The following SNN variants were observed in gnomAD, a reference collection of about 807,000 sequenced individuals.
SNN encodes the protein AG8_1.
A neutral mutation model predicts 5.3 loss-of-function variants in SNN; 5 were observed. The observed-to-expected ratio is 0.94, with a 90% CI of 0.49 to 1.97. The LOEUF is 1.97. Among genes scored for constraint, SNN ranks in the 30% most tolerant of loss-of-function variants. SNN has a pLI of 0.01. For synonymous variants in SNN, 67 were observed against 52.1 expected (o/e 1.29, Z -1.24); for missense variants, 127 against 121.6 (o/e 1.04, Z -0.21).
rs8191291 is a variant in SNN at position 11,672,256 on chromosome 16, G to C, written c.-86+3716G>C. ...CTTGGACTGCCTTGGAGTCCAGTGC[G>C]GGGAGTGAGACAGCAGCCAGGGGAC... On this transcript the variant is annotated intron_variant, in intron 1 of 1. Coordinates refer to ENST00000329565, the MANE Select transcript of SNN (RefSeq NM_003498.6). The surrounding 1 kb of genome is among the most constrained non-coding windows in gnomAD (Gnocchi z 6.0). Among the ~76,000 whole-genome samples, 3 of 152,184 alleles carry C rather than the reference G, an allele frequency of 2.0e-5. No individual in the cohort carries two copies. Among genetic ancestry groups the C allele is most frequent in the Admixed American group, 6.5e-5 (1 of 15,286 alleles).
At chr16:11,675,265 T>C (rs1248101330) in intron 1 of SNN, among the ~76,000 whole-genome samples, 8 of 144,370 alleles carry the variant, frequency 5.5e-5, no homozygotes, top group African/African-American at 1.0e-4. Context: ...TTTCTTTTTT[T>C]TTTTTTTTTT....
chr16:11,676,253 A>G lies in SNN; in HGVS notation c.194A>G (p.Tyr65Cys). The part of the protein sequence containing the change: ...ETKEPFLLVQ[Y>C]SAKGPCVERK... ...AAGGAACCCTTCCTGCTGGTGCAGT[A>G]TTCGGCCAAGGGACCGTGCGTGGAG... Residue 65 changes from tyrosine to cysteine, a missense_variant, in exon 2 of 2, where the codon TAT (tyrosine) becomes TGT (cysteine). Transcript: ENST00000329565. The G allele has an allele frequency of 6.2e-7, 1 of 1,614,242 alleles. No individual in the cohort carries two copies. The highest frequency in any genetic ancestry group is 8.5e-7 in the Non-Finnish European group (1 of 1,180,044).
At chr16:11,674,029 T>C (rs549858647) in intron 1 of SNN, among the ~76,000 whole-genome samples, 1 of 152,332 alleles carries the variant, frequency 6.6e-6, no homozygotes, top group South Asian at 2.1e-4. Flanking sequence ...CTTAGCTGCC[T>C]TTGTCCTTCA....
intron 1 of SNN, among the ~76,000 whole-genome samples, chr16:11,674,235 C>T (rs372524005): frequency 2.6e-5 from 4 of 152,350 alleles, no homozygotes; most frequent in Admixed American, 2.0e-4. Flanking sequence ...GCCGACCGCA[C>T]GCCCAGTCCT....
chr16:11,673,131 T>A (rs978494388), intron 1 of SNN, among the ~76,000 whole-genome samples: 18 of 152,196 alleles, frequency 1.2e-4, no homozygotes, highest in Admixed American at 3.9e-4. Flanking sequence ...GTGTTCTTCT[T>A]GCAGGGAGAG....
rs1241932687 is a variant in SNN, at chr16:11,676,157, G to C, written c.98G>C (p.Trp33Ser). ...CTGGGGGCCTTGATCCTGGGCTGCT[G>C]GTGCTACCTGCGGCTGCAGCGCATC... ...AALGALILGC[W>S]CYLRLQRISQ... Residue 33 changes from tryptophan to serine, a missense_variant, in exon 2 of 2, where the codon TGG becomes TCG. Trp to Ser is a radical substitution (Grantham distance 177, BLOSUM62 -3). Transcript: ENST00000329565. 3 of 1,614,100 alleles carry C rather than the reference G, an allele frequency of 1.9e-6. No homozygotes were observed. Among genetic ancestry groups the C allele is most frequent in the Non-Finnish European group, 2.5e-6 (3 of 1,180,052 alleles).
At chr16:11,675,942 A>C (rs994203831) in intron 1 of SNN, 33 bp from the exon 2 acceptor site, 1 of 1,092,256 alleles carries the variant, frequency 9.2e-7, no homozygotes, top group Non-Finnish European at 1.3e-6. Context: ...TGGAAGTGCT[A>C]ACCGCAGCTC....
chr16:11,674,287 C>G (rs1303704260), intron 1 of SNN, among the ~76,000 whole-genome samples: 1 of 152,178 alleles, frequency 6.6e-6, no homozygotes, highest in Non-Finnish European at 1.5e-5. Context: ...CTCACTGACC[C>G]CGGGTGCAGC....
Position 11,672,496 on chromosome 16 carries a change from T to A in SNN, c.-85-3479T>A, listed in dbSNP as rs140371259. Among the ~76,000 whole-genome samples the A allele has an allele frequency of 2.4e-4, 37 of 152,054 alleles. No homozygotes were observed. In the East Asian group the frequency reaches 7.2e-3, roughly 29 times the overall value. ...GAGCGTGGGCTCGCAGCGGAGGGTG[T>A]GGGGACGCCTGGGGAGGCAGGGAGC... On this transcript the variant is annotated intron_variant, in intron 1 of 1. Transcript: ENST00000329565. This position sits in a 1 kb window ranked among gnomAD's most constrained non-coding sequence, Gnocchi z 6.0.
rs980605014 is a variant in SNN, at chr16:11,671,885, G to T, written c.-86+3345G>T. Reference sequence around the variant, plus strand: ...TGCTTGGCCACCCCCTTCCCTCCCTGCCTGCCAGCAAGCATGGAGCCAGCT... The same window carrying T: ...TGCTTGGCCACCCCCTTCCCTCCCTTCCTGCCAGCAAGCATGGAGCCAGCT... On this transcript the variant is annotated intron_variant, in intron 1 of 1. Coordinates refer to ENST00000329565, the MANE Select transcript of SNN (RefSeq NM_003498.6). The surrounding 1 kb of genome is among the most constrained non-coding windows in gnomAD (Gnocchi z 4.7). Among the ~76,000 whole-genome samples the T allele has an allele frequency of 6.6e-6, 1 of 152,156 alleles. No homozygotes were observed. The highest frequency in any genetic ancestry group is 1.5e-5 in the Non-Finnish European group (1 of 68,028).
chr16:11,673,339 A>C (rs1472795377), intron 1 of SNN, among the ~76,000 whole-genome samples: 1 of 152,124 alleles, frequency 6.6e-6, no homozygotes, highest in Non-Finnish European at 1.5e-5. Context: ...CGTGGAGCTC[A>C]TGGCCCGCTG....
rs1478723555 is a variant in SNN at position 11,668,663 on chromosome 16, G to A, written c.-86+123G>A. 1 of 146,660 alleles carries A rather than the reference G, an allele frequency of 6.8e-6. No individual in the cohort carries two copies. Among genetic ancestry groups the A allele is most frequent in the Non-Finnish European group, 1.5e-5 (1 of 65,614 alleles). The allele number at this position is 146,660 out of a possible 1,614,324, so 9.1% of individuals were successfully genotyped here. A position where few individuals can be genotyped will look rare whatever the true frequency, so the allele number is the denominator to read the frequency against. ...GCGGCGGGGCCGGGCCGGGGTCTGCGGGCGGGGGAGGGGCGGCCCGGCGGG... is the reference window on the plus strand; with the variant it reads ...GCGGCGGGGCCGGGCCGGGGTCTGCAGGCGGGGGAGGGGCGGCCCGGCGGG... On this transcript the variant is annotated intron_variant, in intron 1 of 1. Coordinates refer to ENST00000329565, the MANE Select transcript of SNN (RefSeq NM_003498.6). The surrounding 1 kb of genome is among the most constrained non-coding windows in gnomAD (Gnocchi z 6.8).
chr16:11,669,103 T>C (rs1179559036), intron 1 of SNN, among the ~76,000 whole-genome samples: 1 of 152,150 alleles, frequency 6.6e-6, no homozygotes, highest in African/African-American at 2.4e-5. Flanking sequence ...CCTCCCCAGC[T>C]GCCGTCCCCT....
At chr16:11,675,437 A>G (rs1221560720) in intron 1 of SNN, among the ~76,000 whole-genome samples, 1 of 151,726 alleles carries the variant, frequency 6.6e-6, no homozygotes, top group African/African-American at 2.4e-5. Flanking sequence ...CCAGCTAATT[A>G]TTGTATTTTA....
rs2050245865 is a variant in SNN at position 11,668,842 on chromosome 16, C to T, written c.-86+302C>T. On this transcript the variant is annotated intron_variant, in intron 1 of 1. Coordinates refer to ENST00000329565, the MANE Select transcript of SNN (RefSeq NM_003498.6). The surrounding 1 kb of genome is among the most constrained non-coding windows in gnomAD (Gnocchi z 6.8). ...GCGCTCGCCCCCGCCCGTGCAGCCC[C>T]CGCCCGTCCTCAGCTACGCTCCCGC... Among the ~76,000 whole-genome samples, 1 of 151,946 alleles carries T rather than the reference C, an allele frequency of 6.6e-6. No individual in the cohort carries two copies.
rs556398288 is a variant in SNN, at chr16:11,671,955, C to T, written c.-86+3415C>T. 6.8e-4 allele frequency among the ~76,000 whole-genome samples: 104 copies of T among 152,324 alleles called. No homozygotes were observed. The highest frequency in any genetic ancestry group is 1.2e-3 in the Non-Finnish European group (84 of 68,032). ...CCTGCCCTAATCCACTGGCACTCGC[C>T]GTTCTGTCCCCACACTAGGCCTGCA... is the stretch of plus-strand genomic sequence containing the variant. On this transcript the variant is annotated intron_variant, in intron 1 of 1. Coordinates refer to ENST00000329565, the MANE Select transcript of SNN (RefSeq NM_003498.6). The surrounding 1 kb of genome is among the most constrained non-coding windows in gnomAD (Gnocchi z 4.7).
chr16:11,676,586 T>C lies in SNN; in HGVS notation c.*260T>C. The C allele has an allele frequency of 2.0e-6, 1 of 504,262 alleles. No individual in the cohort carries two copies. The highest frequency in any genetic ancestry group is 3.7e-6 in the Non-Finnish European group (1 of 272,110). 31.2% of individuals were successfully genotyped at this position (504,262 alleles called of 1,614,324 possible). A position where few individuals can be genotyped will look rare whatever the true frequency, so the allele number is the denominator to read the frequency against. Reference sequence around the variant, plus strand: ...GCTCATGGCCCTGTAGCGCTTTTGTTACTTGAATGTCTAGCTGAGCCTGTT... The same window carrying C: ...GCTCATGGCCCTGTAGCGCTTTTGTCACTTGAATGTCTAGCTGAGCCTGTT... On this transcript the variant is annotated 3_prime_UTR_variant, in exon 2 of 2. Transcript: ENST00000329565.
rs1182044379 is a variant in SNN, at chr16:11,669,667, A to G, written c.-86+1127A>G. Among the ~76,000 whole-genome samples the G allele has an allele frequency of 2.6e-5, 4 of 152,224 alleles. No individual in the cohort carries two copies. In the East Asian group the frequency reaches 7.7e-4, roughly 29 times the overall value. On this transcript the variant is annotated intron_variant, in intron 1 of 1. Transcript: ENST00000329565. ...ATAATTGCCACCAACTTTCTCCGGCATCTACAAGCAAAGTTGTTTGGCCAA... is the reference window on the plus strand; with the variant it reads ...ATAATTGCCACCAACTTTCTCCGGCGTCTACAAGCAAAGTTGTTTGGCCAA...
intron 1 of SNN, among the ~76,000 whole-genome samples, chr16:11,669,783 C>T (rs2050255502): frequency 1.3e-5 from 2 of 152,214 alleles, no homozygotes; most frequent in Admixed American, 1.3e-4. Context: ...GAGGAAGACC[C>T]CGACTGACCT....
Sources: gnomAD v4.1 joint callset for allele counts (sites outside exome capture counted in the v4.1 genomes callset) on GRCh38, gnomAD v4.1.1 for gene constraint, Gnocchi (gnomAD v3.1) non-coding constraint, MANE v1.5 for transcripts, NCBI Gene and HGNC (gene_info 2026-07-23, HGNC 2026-07-21) for gene names.